The following LMNTD1 variants were observed in gnomAD, a reference collection of about 807,000 sequenced individuals.
LMNTD1 encodes the protein lamin tail domain-containing protein 1.
Under a neutral mutation model 50.9 loss-of-function variants are expected in LMNTD1, and 35 were observed. That is an observed-to-expected ratio of 0.69 (90% confidence interval 0.53 to 0.91). LMNTD1 has a LOEUF of 0.91. Among genes scored for constraint, LMNTD1 ranks in the 40% least tolerant of loss-of-function variants. The pLI is 0.00. For synonymous variants in LMNTD1, 153 were observed against 161.9 expected (o/e 0.94, Z 0.42); for missense variants, 470 against 475.5 (o/e 0.99, Z 0.11).
intron 1 of LMNTD1, among the ~76,000 whole-genome samples, chr12:25,631,543 G>A (rs1217883099): frequency 1.3e-5 from 2 of 152,158 alleles, no homozygotes; most frequent in African/African-American, 4.8e-5. Flanking sequence ...ACCCAGAAGA[G>A]AGACAACAAT....
chr12:25,606,145 G>T (rs1323730579), intron 1 of LMNTD1, among the ~76,000 whole-genome samples: 1 of 152,048 alleles, frequency 6.6e-6, no homozygotes, highest in African/African-American at 2.4e-5. Flanking sequence ...GTCTGTTATT[G>T]GTGTATAAGA....
chr12:25,647,954 A>T (rs932329818), intron 1 of LMNTD1, among the ~76,000 whole-genome samples: 2 of 151,912 alleles, frequency 1.3e-5, no homozygotes, highest in Non-Finnish European at 2.9e-5. Flanking sequence ...TCCTTCCTTC[A>T]TTCCTTCCTT....
At chr12:25,641,210 T>C (rs773726728) in intron 1 of LMNTD1, among the ~76,000 whole-genome samples, 3 of 152,178 alleles carry the variant, frequency 2.0e-5, no homozygotes, top group Admixed American at 1.3e-4. Context: ...TCTGTTTTTA[T>C]TAATGTTCAT....
chr12:25,645,432 A>G (rs1427591356), intron 1 of LMNTD1, among the ~76,000 whole-genome samples: 1 of 152,160 alleles, frequency 6.6e-6, no homozygotes, highest in Non-Finnish European at 1.5e-5. Context: ...ACCATTAGAC[A>G]TATTTCCACT....
At chr12:25,605,690 C>G (rs1219305008) in intron 1 of LMNTD1, among the ~76,000 whole-genome samples, 1 of 152,100 alleles carries the variant, frequency 6.6e-6, no homozygotes, top group Non-Finnish European at 1.5e-5. Flanking sequence ...CTGTTCTGTT[C>G]CATTGGTCTA....
intron 2 of LMNTD1, among the ~76,000 whole-genome samples, chr12:25,551,879 CCT>C (rs1199794114): frequency 6.6e-6 from 1 of 152,052 alleles, no homozygotes; most frequent in African/African-American, 2.4e-5. Context: ...TTTCTAAGCC[CCT>C]TCTTGGTATC....
chr12:25,508,651 G>A (rs1940010914), intron 8 of LMNTD1, among the ~76,000 whole-genome samples: 1 of 152,128 alleles, frequency 6.6e-6, no homozygotes, highest in Admixed American at 6.6e-5. Context: ...TCTTGGGAAT[G>A]AAATTGCTGG....
chr12:25,530,735 C>A (rs1367609743), intron 4 of LMNTD1, among the ~76,000 whole-genome samples: 2 of 152,048 alleles, frequency 1.3e-5, no homozygotes, highest in African/African-American at 2.4e-5. Context: ...AGACTTTAAC[C>A]CTTTGTGGTA....
intron 4 of LMNTD1, among the ~76,000 whole-genome samples, chr12:25,537,488 T>C (rs2136163051): frequency 6.6e-6 from 1 of 152,140 alleles, no homozygotes; most frequent in African/African-American, 2.4e-5. Context: ...TGCAGGGTAC[T>C]CCAACAGACC....
chr12:25,621,263 C>T lies in LMNTD1; in HGVS notation c.58+27231G>A, dbSNP rs1946468517. 2.0e-5 allele frequency among the ~76,000 whole-genome samples: 3 copies of T among 152,106 alleles called. No individual in the cohort carries two copies. In the South Asian group the frequency reaches 6.2e-4, roughly 32 times the overall value. On this transcript the variant is annotated intron_variant, in intron 1 of 7. Transcript: ENST00000445693. ...AAAGAGAGACAGGGTCACACTCTGT[C>T]ACCCAGGCTGGAGTGCAGTGGCATG...
intron 1 of LMNTD1, among the ~76,000 whole-genome samples, chr12:25,626,090 G>T (rs959739477): frequency 6.6e-6 from 1 of 152,170 alleles, no homozygotes; most frequent in African/African-American, 2.4e-5. Context: ...CTGTTTGAAA[G>T]TGTATGACAA....
chr12:25,528,397 A>T lies in LMNTD1; in HGVS notation c.492-1442T>A, dbSNP rs193000150. Among the ~76,000 whole-genome samples the T allele has an allele frequency of 5.0e-4, 76 of 152,256 alleles. 1 individual carries two copies. The highest frequency in any genetic ancestry group is 1.3e-3 in the African/African-American group (54 of 41,552). ...AATCTCAAATAGGTTTGACCTAACC[A>T]TTCAGGTTGTTTAAATTCTGTACAC... On this transcript the variant is annotated intron_variant, in intron 4 of 9. Coordinates refer to ENST00000458174, the MANE Select transcript of LMNTD1 (RefSeq NM_001145728.2).
intron 6 of LMNTD1, among the ~76,000 whole-genome samples, chr12:25,520,572 A>G (rs1397382130): frequency 6.6e-6 from 1 of 152,166 alleles, no homozygotes; most frequent in African/African-American, 2.4e-5. Flanking sequence ...TCCATTGTGT[A>G]TAGCTACATT....
rs556942129 is a variant in LMNTD1 at position 25,560,017 on chromosome 12, C to A, written c.59-13463G>T. ...TGCCTGTTCACTCTGATGGTAGTTT[C>A]TTTTGCTGTGCAGAAGCTCTTTAGT... On this transcript the variant is annotated intron_variant, in intron 1 of 7. Coordinates refer to the LMNTD1 transcript ENST00000445693. Among the ~76,000 whole-genome samples the A allele has an allele frequency of 3.1e-4, 47 of 152,246 alleles. 1 individual carries two copies. Among genetic ancestry groups the A allele is most frequent in the African/African-American group, 1.0e-3 (42 of 41,554 alleles).
At chr12:25,577,089 C>G (rs532490509) in intron 1 of LMNTD1, among the ~76,000 whole-genome samples, 1 of 152,186 alleles carries the variant, frequency 6.6e-6, no homozygotes, top group African/African-American at 2.4e-5. Flanking sequence ...GTTTTGGTTA[C>G]TGTAGCCTTG....
chr12:25,553,305 C>A, upstream of LMNTD1: 1 of 1,380,848 alleles, frequency 7.2e-7, no homozygotes. Flanking sequence ...CTGGCCAACA[C>A]TGCCTCTTAG....
chr12:25,520,290 T>TTA (rs1354046255), intron 6 of LMNTD1, among the ~76,000 whole-genome samples: 1 of 151,742 alleles, frequency 6.6e-6, no homozygotes, highest in Non-Finnish European at 1.5e-5. Context: ...CACAATTTCA[T>TTA]TAACTATAGT....
chr12:25,594,619 AT>A (rs1945793249), intron 1 of LMNTD1, among the ~76,000 whole-genome samples: 1 of 149,106 alleles, frequency 6.7e-6, no homozygotes, highest in Non-Finnish European at 1.5e-5. Context: ...TCTTTAAAGC[AT>A]AAATCTCACA....
chr12:25,548,064 A>T (rs1179787473), intron 3 of LMNTD1, among the ~76,000 whole-genome samples: 3 of 151,842 alleles, frequency 2.0e-5, no homozygotes, highest in African/African-American at 4.8e-5. Flanking sequence ...TTCTTCCCAG[A>T]TCTAAAATTT....
Sources: gnomAD v4.1 joint callset for allele counts (sites outside exome capture counted in the v4.1 genomes callset) on GRCh38, gnomAD v4.1.1 for gene constraint, MANE v1.5 for transcripts, NCBI Gene and HGNC (gene_info 2026-07-23, HGNC 2026-07-21) for gene names.